GPC5: variants seen among roughly 807,000 people sequenced by gnomAD.
GPC5 encodes the protein glypican-5.
A neutral mutation model predicts 53.9 loss-of-function variants in GPC5; 47 were observed. The ratio of observed to expected loss-of-function variants is 0.87; its 90% CI spans 0.69 to 1.11. The LOEUF (loss-of-function observed/expected upper bound fraction) is 1.11. Among genes scored for constraint, GPC5 ranks in the 50% most tolerant of loss-of-function variants. The pLI, the probability that GPC5 is intolerant of heterozygous loss-of-function variation, is 0.00. For synonymous variants in GPC5, 286 were observed against 263.3 expected (o/e 1.09, Z -0.84); for missense variants, 748 against 713.1 (o/e 1.05, Z -0.56).
chr13:91,612,768 T>C (rs1305020255), intron 2 of GPC5, among the ~76,000 whole-genome samples: 3 of 152,216 alleles, frequency 2.0e-5, no homozygotes, highest in East Asian at 1.9e-4. Flanking sequence ...TTATTTTCTT[T>C]GTTAGTATTT....
chr13:92,759,141 C>A lies in GPC5; in HGVS notation c.1562-107141C>A, dbSNP rs1378862536. On this transcript the variant is annotated intron_variant, in intron 7 of 7. Transcript: ENST00000377067. ...TTTTATGCCAGTACCATACTATTTG[C>A]TTTCTATAGATAGCTGTGTAATATA... 1.5e-4 allele frequency among the ~76,000 whole-genome samples: 22 copies of A among 151,224 alleles called. No homozygotes were observed. In the Admixed American group the frequency reaches 1.5e-3, roughly 10 times the overall value.
At chr13:92,344,572 A>C (rs1053525278) in intron 7 of GPC5, among the ~76,000 whole-genome samples, 2 of 152,196 alleles carry the variant, frequency 1.3e-5, no homozygotes, top group African/African-American at 4.8e-5. Context: ...GATTTATGGG[A>C]GAGCAGGACA....
chr13:91,412,508 A>G (rs1350700758), intron 1 of GPC5, among the ~76,000 whole-genome samples: 1 of 152,372 alleles, frequency 6.6e-6, no homozygotes, highest in East Asian at 1.9e-4. Context: ...AGCATCCTTA[A>G]TCATAAATGA....
At chr13:92,676,325 A>G (rs1421197937) in intron 7 of GPC5, among the ~76,000 whole-genome samples, 8 of 152,170 alleles carry the variant, frequency 5.3e-5, no homozygotes, top group Admixed American at 5.2e-4. Context: ...TACTACTCAG[A>G]TATTTGGGAA....
chr13:91,720,985 C>T (rs1035704866), intron 3 of GPC5, among the ~76,000 whole-genome samples: 4 of 152,200 alleles, frequency 2.6e-5, no homozygotes, highest in Admixed American at 2.0e-4. Context: ...GCAACATCAT[C>T]TCTCCCCTGA....
intron 7 of GPC5, among the ~76,000 whole-genome samples, chr13:92,736,564 TTTC>T (rs1411666933): frequency 3.3e-5 from 5 of 151,898 alleles, no homozygotes; most frequent in African/African-American, 1.2e-4. Flanking sequence ...CCAGTGTGAC[TTTC>T]TCAAACAAGC....
At position 92,692,754 on chromosome 13, in the gene GPC5, A is replaced by ATTTTTTTTTTTTTTTTTTTTTTTT. The variant is rs71272284; in HGVS notation, c.1562-173506_1562-173505insTTTTTTTTTTTTTTTTTTTTTTTT. 6.0e-4 allele frequency among the ~76,000 whole-genome samples: 49 copies of ATTTTTTTTTTTTTTTTTTTTTTTT among 81,018 alleles called. 8 individuals carry two copies. Among genetic ancestry groups the ATTTTTTTTTTTTTTTTTTTTTTTT allele is most frequent in the East Asian group, 5.1e-3 (6 of 1,182 alleles). The allele number at this position is 81,018 out of a possible 152,430, so 53.2% of individuals were successfully genotyped here. On this transcript the variant is annotated intron_variant, in intron 7 of 7. Coordinates refer to ENST00000377067, the MANE Select transcript of GPC5 (RefSeq NM_004466.6). Reference sequence around the variant, plus strand: ...CTCCAAAGCCTCACCAATATCGGCTATTTTTTTTTTTTTTTTTTTTTTACA... The same window carrying ATTTTTTTTTTTTTTTTTTTTTTTT: ...CTCCAAAGCCTCACCAATATCGGCTATTTTTTTTTTTTTTTTTTTTTTTTTTTTTTTTTTTTTTTTTTTTTTACA...
At chr13:92,846,070 T>G (rs1878601416) in intron 7 of GPC5, among the ~76,000 whole-genome samples, 2 of 152,068 alleles carry the variant, frequency 1.3e-5, no homozygotes, top group East Asian at 1.9e-4. Flanking sequence ...GGAAAGAAAT[T>G]TAATTGACTT....
At position 92,605,680 on chromosome 13, in the gene GPC5, C is replaced by T. The variant is rs888945435; in HGVS notation, c.1562-260602C>T. On this transcript the variant is annotated intron_variant, in intron 7 of 7. Transcript: ENST00000377067. ...TCTCGGCTCACTGCAAGCTCCGCTT[C>T]CCGGGTTCACGCCATTCTCCTGCCT... Among the ~76,000 whole-genome samples, 14 of 151,628 alleles carry T rather than the reference C, an allele frequency of 9.2e-5. No homozygotes were observed. The East Asian group carries it at 1.8e-3, about 19-fold the overall frequency.
At chr13:92,251,890 C>T (rs1346019619) in intron 7 of GPC5, among the ~76,000 whole-genome samples, 1 of 152,116 alleles carries the variant, frequency 6.6e-6, no homozygotes, top group Admixed American at 6.6e-5. Flanking sequence ...TTCCCATCTA[C>T]AGCACAGTGT....
At chr13:92,014,217 A>G (rs1325405296) in intron 6 of GPC5, among the ~76,000 whole-genome samples, 1 of 152,188 alleles carries the variant, frequency 6.6e-6, no homozygotes, top group Non-Finnish European at 1.5e-5. Context: ...AATGCTGACT[A>G]TAGATACAAA....
At chr13:91,451,300 T>C (rs1182092718) in intron 2 of GPC5, among the ~76,000 whole-genome samples, 1 of 152,194 alleles carries the variant, frequency 6.6e-6, no homozygotes, top group African/African-American at 2.4e-5. Context: ...TAAAAGACAT[T>C]GGACTGGGAT....
rs67558042 is a variant in GPC5 at position 92,824,239 on chromosome 13, CT to C, written c.1562-42042del. The stretch of plus-strand genomic sequence containing the variant: ...CCTACCTAGTCAGTACTAGTCACCC[CT>C]GTATACAAAACCGCCTCTTCTTCTC... On this transcript the variant is annotated intron_variant, in intron 7 of 7. Coordinates refer to ENST00000377067, the MANE Select transcript of GPC5 (RefSeq NM_004466.6). 0.025 allele frequency among the ~76,000 whole-genome samples: 3,838 copies of C among 152,170 alleles called. 377 individuals are homozygous for C. In the East Asian group the frequency reaches 0.32, roughly 13 times the overall value.
At chr13:92,609,494 C>T (rs1884365449) in intron 7 of GPC5, among the ~76,000 whole-genome samples, 1 of 152,006 alleles carries the variant, frequency 6.6e-6, no homozygotes, top group Non-Finnish European at 1.5e-5. Context: ...TTTATCTAAC[C>T]TTCATTTACT....
chr13:91,464,034 A>T (rs1489382335), intron 2 of GPC5, among the ~76,000 whole-genome samples: 1 of 152,154 alleles, frequency 6.6e-6, no homozygotes, highest in Non-Finnish European at 1.5e-5. Context: ...AAAATTCAAC[A>T]GTTAAAAAAA....
At chr13:92,043,666 G>C (rs959921049) in intron 6 of GPC5, among the ~76,000 whole-genome samples, 2 of 152,158 alleles carry the variant, frequency 1.3e-5, no homozygotes, top group African/African-American at 4.8e-5. Context: ...CAAGATCTGG[G>C]GTTTGCTCTT....
chr13:92,170,372 A>G (rs1593956933), intron 7 of GPC5, among the ~76,000 whole-genome samples: 1 of 146,938 alleles, frequency 6.8e-6, no homozygotes, highest in African/African-American at 2.5e-5. Flanking sequence ...CTAAGATAGG[A>G]CTTCCTATAC....
intron 2 of GPC5, among the ~76,000 whole-genome samples, chr13:91,646,674 G>T (rs1189000511): frequency 1.3e-5 from 2 of 152,164 alleles, no homozygotes; most frequent in African/African-American, 4.8e-5. Context: ...ATACATAAAA[G>T]ACATAGAAAG....
chr13:92,801,713 C>T (rs1210156647), intron 7 of GPC5, among the ~76,000 whole-genome samples: 1 of 151,180 alleles, frequency 6.6e-6, no homozygotes, highest in Non-Finnish European at 1.5e-5. Context: ...TTGTCTAGGT[C>T]TAGGCTAATG....
Sources: gnomAD v4.1 joint callset for allele counts (sites outside exome capture counted in the v4.1 genomes callset) on GRCh38, gnomAD v4.1.1 for gene constraint, MANE v1.5 for transcripts, NCBI Gene and HGNC (gene_info 2026-07-23, HGNC 2026-07-21) for gene names.